CCDC171: variants seen among roughly 807,000 people sequenced by gnomAD.
CCDC171 encodes the protein coiled-coil domain containing 171.
A neutral mutation model predicts 168.2 loss-of-function variants in CCDC171; 177 were observed. The observed-to-expected ratio is 1.05, with a 90% confidence interval of 0.93 to 1.19. The LOEUF (loss-of-function observed/expected upper bound fraction) is 1.19. Ranked by LOEUF, CCDC171 falls within the 50% of genes most tolerant of loss-of-function variation. The pLI, the probability that CCDC171 is intolerant of heterozygous loss-of-function variation, is 0.00. For synonymous variants in CCDC171, 687 were observed against 540.8 expected, an observed-to-expected ratio of 1.27 and a Z score of -3.75; for missense variants, 1,991 against 1,539.0, an observed-to-expected ratio of 1.29 and a Z score of -4.91.
At chr9:16,033,622 A>G (rs1042081869) in intron 6 of CCDC171, among the ~76,000 whole-genome samples, 1 of 152,230 alleles carries the variant, frequency 6.6e-6, no homozygotes, top group Non-Finnish European at 1.5e-5. Context: ...TTACAATGTA[A>G]CAATAATAGA....
At chr9:16,016,614 C>T (rs2133006827) in intron 3 of CCDC171, among the ~76,000 whole-genome samples, 1 of 152,272 alleles carries the variant, frequency 6.6e-6, no homozygotes, top group African/African-American at 2.4e-5. Context: ...CGTAGTGTTA[C>T]TTCCTTGGCT....
chr9:15,583,156 C>A (rs1178720763), intron 4 of CCDC171, among the ~76,000 whole-genome samples: 1 of 152,086 alleles, frequency 6.6e-6, no homozygotes. Flanking sequence ...GTGGCTCACG[C>A]CTGTAATCCC....
intron 7 of CCDC171, among the ~76,000 whole-genome samples, chr9:15,629,861 G>A (rs1335811590): frequency 6.6e-6 from 1 of 152,160 alleles, no homozygotes; most frequent in East Asian, 1.9e-4. Context: ...GAAGAGAGTG[G>A]GGGCCAATAT....
In CCDC171 at chr9:15,578,991, C is replaced by G. The variant is rs1185985922; in HGVS notation, c.320C>G (p.Ala107Gly). ...AGACGGGCTGCTGAAGAAAGATTAG[C>G]CGAGGCACATAGGATCCAAGAAAAA... Reference protein sequence around the residue: ...LGRRAAEERLAEAHRIQEKLC... With the variant: ...LGRRAAEERLGEAHRIQEKLC... The change falls in exon 4 of 26, where the codon GCC (alanine) becomes GGC (glycine). Residue 107 changes from alanine to glycine, a missense_variant. By Grantham distance (60) the Ala-to-Gly change is moderately conservative. Coordinates refer to ENST00000380701, the MANE Select transcript of CCDC171 (RefSeq NM_173550.4). The G allele has an allele frequency of 3.5e-5, 56 of 1,613,708 alleles. No homozygotes were observed. The highest frequency in any genetic ancestry group is 4.7e-5 in the Non-Finnish European group (55 of 1,179,902).
intron 9 of CCDC171, among the ~76,000 whole-genome samples, chr9:15,668,893 T>G (rs1282095065): frequency 6.6e-6 from 1 of 152,200 alleles, no homozygotes; most frequent in Non-Finnish European, 1.5e-5. Context: ...TTCTAAGTTT[T>G]GGTTAATGTA....
the CCDC171 span, among the ~76,000 whole-genome samples, chr9:16,068,653 G>A: frequency 6.6e-6 from 1 of 151,988 alleles, no homozygotes; most frequent in African/African-American, 2.4e-5. Flanking sequence ...GTTAAGAGAA[G>A]CAAACGAGTG....
At chr9:16,014,709 G>A (rs1832965995) in intron 3 of CCDC171, among the ~76,000 whole-genome samples, 2 of 152,148 alleles carry the variant, frequency 1.3e-5, no homozygotes, top group African/African-American at 4.8e-5. Flanking sequence ...CTCCATCAGA[G>A]ATCTAGGGTG....
In CCDC171 at chr9:16,032,406, G is replaced by C. The variant is rs1260151846; in HGVS notation, n.999-3051G>C. Among the ~76,000 whole-genome samples the C allele has an allele frequency of 1.3e-5, 2 of 152,194 alleles. 1 individual carries two copies. Among genetic ancestry groups the C allele is most frequent in the South Asian group, 4.1e-4 (2 of 4,830 alleles). ...CATAAGAGAGCAATGTGGAGGACTG[G>C]CAGGGAGGAGAAGGGTCACTGGCCA... On this transcript the variant is annotated intron_variant and non_coding_transcript_variant, in intron 6 of 9. Transcript: ENST00000486641.
chr9:15,656,785 T>C (rs1326859584), intron 7 of CCDC171, among the ~76,000 whole-genome samples: 1 of 152,176 alleles, frequency 6.6e-6, no homozygotes, highest in African/African-American at 2.4e-5. Context: ...AGGAATCTTT[T>C]AAGAGTGATG....
At chr9:15,925,995 T>C (rs1217731451) in intron 25 of CCDC171, among the ~76,000 whole-genome samples, 1 of 151,686 alleles carries the variant, frequency 6.6e-6, no homozygotes, top group Non-Finnish European at 1.5e-5. Flanking sequence ...GAATAAGACA[T>C]GCTCTGCCCT....
At chr9:15,814,390 G>T (rs2059479644) in intron 21 of CCDC171, among the ~76,000 whole-genome samples, 1 of 152,154 alleles carries the variant, frequency 6.6e-6, no homozygotes, top group Non-Finnish European at 1.5e-5. Flanking sequence ...TGGGGAAGAG[G>T]AGTAAATTAG....
At chr9:15,787,570 A>G (rs1401045066) in intron 21 of CCDC171, among the ~76,000 whole-genome samples, 2 of 151,970 alleles carry the variant, frequency 1.3e-5, no homozygotes, top group African/African-American at 4.8e-5. Context: ...TATTATAAGT[A>G]AGTATCAAGA....
chr9:15,555,635 T>A (rs1169415447), intron 1 of CCDC171, among the ~76,000 whole-genome samples: 1 of 152,148 alleles, frequency 6.6e-6, no homozygotes, highest in African/African-American at 2.4e-5. Flanking sequence ...ACCCTGTCAC[T>A]AGAGATGTGA....
chr9:15,606,785 A>G (rs1472492043), intron 6 of CCDC171, among the ~76,000 whole-genome samples: 2 of 152,214 alleles, frequency 1.3e-5, no homozygotes, highest in Non-Finnish European at 2.9e-5. Context: ...TTCCTGTGAT[A>G]TTAAATGTCA....
chr9:16,083,708 G>A, the CCDC171 span, among the ~76,000 whole-genome samples: 1 of 152,156 alleles, frequency 6.6e-6, no homozygotes, highest in African/African-American at 2.4e-5. Context: ...AACCTCTTAG[G>A]TTCAGGTGTT....
downstream of CCDC171, among the ~76,000 whole-genome samples, chr9:15,975,913 G>A (rs1231056854): frequency 6.6e-6 from 1 of 152,092 alleles, no homozygotes; most frequent in African/African-American, 2.4e-5. Context: ...GGATTAGCTG[G>A]GTGTGCTCTA....
chr9:15,962,314 C>T (rs1257121781), intron 25 of CCDC171, among the ~76,000 whole-genome samples: 1 of 152,134 alleles, frequency 6.6e-6, no homozygotes, highest in East Asian at 1.9e-4. Flanking sequence ...TAATTTTTCA[C>T]CGCGTAGCTA....
chr9:16,048,996 C>G (rs944982702), intron 1 of CCDC171, among the ~76,000 whole-genome samples: 2 of 149,866 alleles, frequency 1.3e-5, no homozygotes, highest in African/African-American at 4.9e-5. Context: ...GTTGAAATCC[C>G]AAAAGATCAA....
At chr9:15,945,626 G>A in intron 25 of CCDC171, among the ~76,000 whole-genome samples, 1 of 141,972 alleles carries the variant, frequency 7.0e-6, no homozygotes, top group Non-Finnish European at 1.5e-5. Flanking sequence ...TGCTCTGATG[G>A]CCAGTGATGG....
Sources: allele counts gnomAD v4.1 joint callset (sites outside exome capture counted in the v4.1 genomes callset), GRCh38; gene constraint gnomAD v4.1.1; transcripts MANE v1.5; gene names NCBI Gene and HGNC (gene_info 2026-07-23, HGNC 2026-07-21).